Variants in SLC43A2 observed in about 807,000 individuals in gnomAD.
SLC43A2 encodes the protein solute carrier family 43 member 2, also known as large neutral amino acids transporter small subunit 4.
SLC43A2 carries 38 observed loss-of-function variants against 63.2 expected under a neutral mutation model. The ratio of observed to expected loss-of-function variants is 0.60; its 90% CI spans 0.46 to 0.79. The LOEUF (loss-of-function observed/expected upper bound fraction) is 0.79, where lower values mean the gene tolerates loss of function less well. Among genes scored for constraint, SLC43A2 ranks in the 30% least tolerant of loss-of-function variants. The pLI is 0.00. For synonymous variants in SLC43A2, 322 were observed against 331.0 expected (o/e 0.97, Z 0.30); for missense variants, 644 against 756.2 (o/e 0.85, Z 1.74).
intron 4 of SLC43A2, 44 bp downstream of exon 4, chr17:1,614,935 C>A: frequency 6.2e-7 from 1 of 1,602,956 alleles, no homozygotes; most frequent in Non-Finnish European, 8.5e-7. Flanking sequence ...TCAGGGCACT[C>A]TCTCCCCGGT....
intron 6 of SLC43A2, among the ~76,000 whole-genome samples, chr17:1,592,878 A>G (rs539959148): frequency 2.0e-5 from 3 of 152,298 alleles, no homozygotes; most frequent in Non-Finnish European, 2.9e-5. Context: ...GCGGGAGACC[A>G]GGATGACGGA....
In SLC43A2 at chr17:1,616,766, T is replaced by A. The variant is rs761056736; in HGVS notation, c.164A>T (p.Asn55Ile). 6.2e-7 allele frequency: 1 copy of A among 1,613,620 alleles called. No homozygotes were observed. Among genetic ancestry groups the A allele is most frequent in the East Asian group, 2.2e-5 (1 of 44,882 alleles). ...FYSYLCTEPE[N>I]VTNGTVGGTA... Reference sequence around the variant, plus strand: ...GCCGCCCACTGTGCCATTGGTGACATTCTCTGTGTGAAGAGGGAAGGAAAC... The same window carrying A: ...GCCGCCCACTGTGCCATTGGTGACAATCTCTGTGTGAAGAGGGAAGGAAAC... Residue 55 changes from asparagine (N) to isoleucine (I), a missense_variant, in exon 3 of 14, where the codon AAT becomes ATT. This residue lies in a region of SLC43A2 where 528 missense variants were observed against 623.6 expected (regional missense o/e 0.85). Transcript: ENST00000301335.
intron 3 of SLC43A2, chr17:1,616,291 G>A (rs151256818): frequency 8.1e-6 from 4 of 496,882 alleles, no homozygotes; most frequent in Non-Finnish European, 1.4e-5. Flanking sequence ...GAACTACAAA[G>A]GGATGGGAAA....
intron 8 of SLC43A2, 92 bp downstream of exon 8, chr17:1,591,177 G>T: frequency 6.7e-7 from 1 of 1,495,658 alleles, no homozygotes; most frequent in Non-Finnish European, 9.0e-7. Flanking sequence ...GGGCGGGGCC[G>T]CCTCCCCTTT....
chr17:1,595,395 C>T lies in SLC43A2; in HGVS notation c.502-2116G>A, dbSNP rs117097298. On this transcript the variant is annotated intron_variant, in intron 5 of 13. Coordinates refer to ENST00000301335, the MANE Select transcript of SLC43A2 (RefSeq NM_152346.3). ...AACTTGGCTCAAGTGATCTTCCCCC[C>T]CCAGCTCCCAAGTCACTGGGACAAC... Among the ~76,000 whole-genome samples, 20 of 152,132 alleles carry T rather than the reference C, an allele frequency of 1.3e-4. No homozygotes were observed. In the South Asian group the frequency reaches 1.9e-3, roughly 14 times the overall value.
chr17:1,621,574 CTGA>C (rs1908160546), intron 2 of SLC43A2, among the ~76,000 whole-genome samples: 1 of 152,246 alleles, frequency 6.6e-6, no homozygotes, highest in Non-Finnish European at 1.5e-5. Context: ...CCGTCCTGGG[CTGA>C]CCAGGGCCTG....
chr17:1,616,786 G>A lies in SLC43A2; in HGVS notation c.161-17C>T, dbSNP rs767532364. 3.7e-6 allele frequency: 6 copies of A among 1,612,626 alleles called. No individual in the cohort carries two copies. The East Asian group carries it at 8.9e-5, about 24-fold the overall frequency. On this transcript the variant is annotated splice_polypyrimidine_tract_variant and intron_variant, in intron 2 of 13. Transcript: ENST00000301335. ...TGACATTCTCTGTGTGAAGAGGGAAGGAAACCCTGACCTCAGGGTCATGAC... is the reference window on the plus strand; with the variant it reads ...TGACATTCTCTGTGTGAAGAGGGAAAGAAACCCTGACCTCAGGGTCATGAC...
intron 6 of SLC43A2, among the ~76,000 whole-genome samples, chr17:1,592,425 C>T (rs1023146256): frequency 6.6e-6 from 1 of 151,854 alleles, no homozygotes; most frequent in Non-Finnish European, 1.5e-5. Context: ...AGACCCTGTT[C>T]CCCCCCAAAA....
In SLC43A2 at chr17:1,571,349, T is replaced by C. The variant is rs780122694; in HGVS notation, c.*4255A>G. ...CACCCTTGAGTTAGGCCCCCAGTCG[T>C]TGGCACAGATAAGGGGAGCTGCTGC... is the stretch of plus-strand genomic sequence containing the variant. On this transcript the variant is annotated 3_prime_UTR_variant, in exon 14 of 14. Coordinates refer to ENST00000301335, the MANE Select transcript of SLC43A2 (RefSeq NM_152346.3). This position sits in a 1 kb window ranked among gnomAD's most constrained non-coding sequence, Gnocchi z 5.2. 4 of 152,216 alleles carry C rather than the reference T, an allele frequency of 2.6e-5. No homozygotes were observed. Among genetic ancestry groups the C allele is most frequent in the Non-Finnish European group, 4.4e-5 (3 of 68,044 alleles). The allele number at this position is 152,216 out of a possible 1,614,324, so 9.4% of individuals were successfully genotyped here. A position where few individuals can be genotyped will look rare whatever the true frequency, so the allele number is the denominator to read the frequency against.
At chr17:1,621,899 G>A (rs1037724669) in intron 2 of SLC43A2, among the ~76,000 whole-genome samples, 6 of 152,210 alleles carry the variant, frequency 3.9e-5, no homozygotes, top group East Asian at 1.9e-4. Flanking sequence ...GAACAGAGCC[G>A]GGAAAAGGCT....
At chr17:1,610,951 C>T (rs746392606) in intron 5 of SLC43A2, among the ~76,000 whole-genome samples, 4 of 151,790 alleles carry the variant, frequency 2.6e-5, no homozygotes, top group Admixed American at 1.3e-4. Context: ...AGCGATTCTC[C>T]TGCCTCAGCC....
intron 5 of SLC43A2, among the ~76,000 whole-genome samples, chr17:1,607,845 C>T (rs1482525450): frequency 1.3e-5 from 2 of 151,732 alleles, no homozygotes; most frequent in African/African-American, 4.8e-5. Context: ...CCTCCTGAGT[C>T]GTGGGGACTA....
chr17:1,604,764 C>T (rs569375624), intron 5 of SLC43A2: 1 of 1,535,802 alleles, frequency 6.5e-7, no homozygotes, highest in South Asian at 1.2e-5. Context: ...TTCGGCTGAC[C>T]TCCCCATGGT....
In SLC43A2 at chr17:1,621,557, G is replaced by A. The variant is rs144677019; in HGVS notation, c.161-4788C>T. ...ACAACAGGCAGGAGGGCACGGACAGGCAGAGGCCGTCCTGGGCTGACCAGG... is the reference window on the plus strand; with the variant it reads ...ACAACAGGCAGGAGGGCACGGACAGACAGAGGCCGTCCTGGGCTGACCAGG... On this transcript the variant is annotated intron_variant, in intron 2 of 13. Transcript: ENST00000301335. Among the ~76,000 whole-genome samples, 522 of 152,358 alleles carry A rather than the reference G, an allele frequency of 3.4e-3. 2 individuals carry two copies. The highest frequency in any genetic ancestry group is 5.7e-3 in the Non-Finnish European group (388 of 68,024).
At chr17:1,625,477 A>C (rs1423988805) in intron 2 of SLC43A2, among the ~76,000 whole-genome samples, 1 of 152,202 alleles carries the variant, frequency 6.6e-6, no homozygotes, top group Non-Finnish European at 1.5e-5. Flanking sequence ...TAATTCAATA[A>C]ATTCAAAAAT....
intron 9 of SLC43A2, 45 bp from the exon 10 acceptor site, chr17:1,586,096 C>T: frequency 5.2e-6 from 8 of 1,532,872 alleles, no homozygotes; most frequent in Non-Finnish European, 4.4e-6. Flanking sequence ...GGCAGACAGC[C>T]CTGGAGCAGG....
At chr17:1,609,932 G>A (rs1395267984) in intron 5 of SLC43A2, among the ~76,000 whole-genome samples, 5 of 150,428 alleles carry the variant, frequency 3.3e-5, no homozygotes, top group Admixed American at 6.6e-5. Flanking sequence ...TTTTTTAAAC[G>A]GAGTTTCGCT....
In SLC43A2 at chr17:1,583,379, A is replaced by C; in HGVS notation, c.1218-43T>G. 1 of 1,605,224 alleles carries C rather than the reference A, an allele frequency of 6.2e-7. No individual in the cohort carries two copies. The highest frequency in any genetic ancestry group is 8.5e-7 in the Non-Finnish European group (1 of 1,173,162). On this transcript the variant is annotated intron_variant, in intron 10 of 13. Coordinates refer to ENST00000301335, the MANE Select transcript of SLC43A2 (RefSeq NM_152346.3). This position sits in a 1 kb window ranked among gnomAD's most constrained non-coding sequence, Gnocchi z 5.5. ...GTGCAGGGGTGGGAGGGCTCCCCGG[A>C]GGAAGCCGGGTGCTCCTGAGAAGTC...
chr17:1,589,863 C>T (rs1904586617), intron 9 of SLC43A2, among the ~76,000 whole-genome samples: 2 of 152,178 alleles, frequency 1.3e-5, no homozygotes, highest in African/African-American at 4.8e-5. Flanking sequence ...TCATGATCCA[C>T]CTGCCTCAGC....
Sources: allele counts gnomAD v4.1 joint callset (sites outside exome capture counted in the v4.1 genomes callset), GRCh38; gene constraint gnomAD v4.1.1; regional missense constraint gnomAD v4.1.1; non-coding constraint Gnocchi (gnomAD v3.1); transcripts MANE v1.5; gene names NCBI Gene and HGNC (gene_info 2026-07-23, HGNC 2026-07-21).